DEPTOR: variants seen among roughly 807,000 people sequenced by gnomAD.
DEPTOR encodes DEP domain containing MTOR interacting protein.
In DEPTOR, 41 loss-of-function variants were observed where a neutral mutation model predicts 41.6. That is an observed-to-expected ratio of 0.98 (90% CI 0.77 to 1.28). The LOEUF (loss-of-function observed/expected upper bound fraction) is 1.28. Ranked by LOEUF, DEPTOR falls within the 50% of genes most tolerant of loss-of-function variation. The pLI, the probability that DEPTOR is intolerant of heterozygous loss-of-function variation, is 0.00. For synonymous variants in DEPTOR, 195 were observed against 192.3 expected (o/e 1.01, Z -0.12); for missense variants, 514 against 527.9 (o/e 0.97, Z 0.26).
At chr8:119,960,731 C>T (rs2129954689) in intron 3 of DEPTOR, among the ~76,000 whole-genome samples, 1 of 152,204 alleles carries the variant, frequency 6.6e-6, no homozygotes. Flanking sequence ...AAAAGTGGCT[C>T]CCAGCACGTT....
intron 1 of DEPTOR, among the ~76,000 whole-genome samples, chr8:119,892,480 A>G (rs1169111088): frequency 6.6e-6 from 1 of 152,240 alleles, no homozygotes; most frequent in Non-Finnish European, 1.5e-5. Context: ...TTTTATGCTC[A>G]GATAATACTG....
chr8:119,976,778 C>G (rs547084339), intron 4 of DEPTOR, among the ~76,000 whole-genome samples: 2 of 152,236 alleles, frequency 1.3e-5, no homozygotes, highest in South Asian at 4.2e-4. Flanking sequence ...ACAGGCTCAC[C>G]TCTTGACCCT....
chr8:120,015,932 G>A (rs953999813), intron 8 of DEPTOR, among the ~76,000 whole-genome samples: 13 of 152,114 alleles, frequency 8.5e-5, no homozygotes, highest in African/African-American at 2.7e-4. Context: ...AGGTGGGGGC[G>A]GCCATGTTGC....
chr8:119,921,076 A>G (rs1013143138), intron 1 of DEPTOR, among the ~76,000 whole-genome samples: 7 of 151,908 alleles, frequency 4.6e-5, no homozygotes, highest in African/African-American at 1.7e-4. Flanking sequence ...TCCCAGGCTC[A>G]AGGGATCCTC....
chr8:119,934,681 G>C (rs1368086871), intron 3 of DEPTOR, among the ~76,000 whole-genome samples: 2 of 152,194 alleles, frequency 1.3e-5, no homozygotes, highest in Non-Finnish European at 2.9e-5. Flanking sequence ...TGTTATTAGA[G>C]TAGTAAATAA....
chr8:119,931,931 G>A (rs1828048790), intron 3 of DEPTOR, among the ~76,000 whole-genome samples: 2 of 149,236 alleles, frequency 1.3e-5, no homozygotes, highest in African/African-American at 4.9e-5. Context: ...TTCTGTAAAC[G>A]CTTTTCCTTT....
At chr8:120,009,798 T>C (rs1296742262) in intron 8 of DEPTOR, among the ~76,000 whole-genome samples, 1 of 152,104 alleles carries the variant, frequency 6.6e-6, no homozygotes, top group African/African-American at 2.4e-5. Context: ...CAAGCACATA[T>C]GATATAGGAA....
intron 4 of DEPTOR, among the ~76,000 whole-genome samples, chr8:119,989,360 C>T (rs1306533607): frequency 6.6e-6 from 1 of 152,068 alleles, no homozygotes; most frequent in Non-Finnish European, 1.5e-5. Flanking sequence ...AACCTGGAAA[C>T]AGGAATAAAT....
At chr8:119,986,367 T>A (rs1214063625) in intron 4 of DEPTOR, among the ~76,000 whole-genome samples, 3 of 152,232 alleles carry the variant, frequency 2.0e-5, no homozygotes, top group Non-Finnish European at 4.4e-5. Context: ...CACTCTCTTC[T>A]GTCTTGTAGA....
intron 8 of DEPTOR, 60 bp downstream of exon 8, chr8:120,009,193 G>A: frequency 1.4e-6 from 2 of 1,466,294 alleles, no homozygotes; most frequent in Non-Finnish European, 1.9e-6. Context: ...ATGCTAAATT[G>A]GCCATGATTC....
chr8:120,010,172 T>A (rs1377022321), intron 8 of DEPTOR, among the ~76,000 whole-genome samples: 2 of 152,198 alleles, frequency 1.3e-5, no homozygotes, highest in Non-Finnish European at 2.9e-5. Context: ...CTCTCTGAAA[T>A]GACAATCATA....
chr8:119,942,213 G>A (rs140771872), intron 3 of DEPTOR, among the ~76,000 whole-genome samples: 5 of 152,240 alleles, frequency 3.3e-5, no homozygotes, highest in African/African-American at 1.2e-4. Flanking sequence ...TTTATTGATT[G>A]ATTTTTTGAG....
chr8:119,995,478 T>C (rs2139438), intron 4 of DEPTOR, among the ~76,000 whole-genome samples: 122,380 of 151,406 alleles, frequency 0.81, 49,523 homozygotes, highest in Middle Eastern at 0.84. Flanking sequence ...CCCAGCTACT[T>C]GGGGGACTAA....
intron 7 of DEPTOR, among the ~76,000 whole-genome samples, chr8:120,008,527 C>CAAAAAAAAAAAAAA (rs35570467): frequency 2.0e-5 from 2 of 99,704 alleles, no homozygotes; most frequent in Non-Finnish European, 3.8e-5. Context: ...GACTCTGTCT[C>CAAAAAAAAAAAAAA]AAAAAAAAAA....
chr8:120,002,579 A>C (rs952692638), intron 5 of DEPTOR, among the ~76,000 whole-genome samples: 1 of 151,320 alleles, frequency 6.6e-6, no homozygotes, highest in Admixed American at 6.6e-5. Flanking sequence ...CTGGTTATCC[A>C]CCCGTTATCA....
chr8:119,928,873 G>C (rs1828004031), intron 2 of DEPTOR, among the ~76,000 whole-genome samples: 1 of 151,808 alleles, frequency 6.6e-6, no homozygotes, highest in South Asian at 2.1e-4. Context: ...TTACAGGCGT[G>C]AGCCACTGTG....
At chr8:119,899,042 T>A (rs1319130848) in intron 1 of DEPTOR, among the ~76,000 whole-genome samples, 1 of 152,228 alleles carries the variant, frequency 6.6e-6, no homozygotes, top group Non-Finnish European at 1.5e-5. Flanking sequence ...AATACTGACT[T>A]AATTTTCTCC....
chr8:120,014,668 C>T (rs921057969), intron 8 of DEPTOR, among the ~76,000 whole-genome samples: 3 of 151,994 alleles, frequency 2.0e-5, no homozygotes, highest in African/African-American at 7.3e-5. Context: ...GCTGGGACTA[C>T]AGGCATGTGC....
At chr8:119,918,785 G>A (rs556777852) in intron 1 of DEPTOR, among the ~76,000 whole-genome samples, 1 of 152,052 alleles carries the variant, frequency 6.6e-6, no homozygotes, top group Non-Finnish European at 1.5e-5. Flanking sequence ...GTAGTGACAA[G>A]GTTTCTCCAT....
Sources: gnomAD v4.1 joint callset for allele counts (sites outside exome capture counted in the v4.1 genomes callset) on GRCh38, gnomAD v4.1.1 for gene constraint, MANE v1.5 for transcripts, NCBI Gene and HGNC (gene_info 2026-07-23, HGNC 2026-07-21) for gene names.